The following SPAG16 variants were observed in gnomAD, a reference collection of about 807,000 sequenced individuals.
SPAG16 encodes sperm associated antigen 16.
Under a neutral mutation model 80.4 loss-of-function variants are expected in SPAG16, and 86 were observed. The observed-to-expected ratio is 1.07, with a 90% confidence interval of 0.90 to 1.28. SPAG16 has a LOEUF of 1.28. SPAG16 is among the 50% of genes most tolerant of loss of function. The probability of loss-of-function intolerance (pLI) is 0.00; values close to 1 mark genes in which losing one functional copy is unlikely to be tolerated. For missense variants in SPAG16, 870 were observed against 765.3 expected (o/e 1.14, Z -1.61); for synonymous variants, 294 against 265.9 (o/e 1.11, Z -1.03).
intron 15 of SPAG16, among the ~76,000 whole-genome samples, chr2:214,152,615 A>G (rs2056027388): frequency 6.6e-6 from 1 of 152,124 alleles, no homozygotes; most frequent in Non-Finnish European, 1.5e-5. Flanking sequence ...AGACAAGGAG[A>G]TAAAAGAAAA....
intron 10 of SPAG16, among the ~76,000 whole-genome samples, chr2:213,596,661 A>G (rs1041635595): frequency 2.0e-5 from 3 of 152,190 alleles, no homozygotes; most frequent in African/African-American, 7.2e-5. Context: ...GTGAAACTCT[A>G]TAATCCTAGT....
chr2:213,885,631 A>G (rs939163194), intron 11 of SPAG16, among the ~76,000 whole-genome samples: 3 of 152,200 alleles, frequency 2.0e-5, no homozygotes, highest in African/African-American at 7.2e-5. Flanking sequence ...TGTGATAGCC[A>G]TGAGGTCTTT....
chr2:214,349,938 A>G (rs186476794), intron 15 of SPAG16, among the ~76,000 whole-genome samples: 2 of 152,194 alleles, frequency 1.3e-5, no homozygotes, highest in Admixed American at 1.3e-4. Context: ...TGCTTTCTAT[A>G]GTCTCAGAAC....
chr2:213,669,310 T>C (rs1559359863), intron 10 of SPAG16, among the ~76,000 whole-genome samples: 1 of 152,198 alleles, frequency 6.6e-6, no homozygotes, highest in Non-Finnish European at 1.5e-5. Flanking sequence ...GTTTGAGCCT[T>C]GGGATAGAAG....
chr2:213,608,176 A>G (rs1366376939), intron 10 of SPAG16, among the ~76,000 whole-genome samples: 2 of 151,772 alleles, frequency 1.3e-5, no homozygotes, highest in Non-Finnish European at 2.9e-5. Context: ...TCCATTTTTT[A>G]TTCTATTATT....
intron 9 of SPAG16, among the ~76,000 whole-genome samples, chr2:213,402,254 G>A (rs958447927): frequency 2.0e-5 from 3 of 151,840 alleles, no homozygotes; most frequent in Admixed American, 6.6e-5. Context: ...ACTCATGATT[G>A]CAGTAAATAT....
intron 9 of SPAG16, among the ~76,000 whole-genome samples, chr2:213,402,146 C>T (rs532022192): frequency 4.6e-5 from 7 of 151,864 alleles, no homozygotes; most frequent in African/African-American, 7.2e-5. Context: ...GCCCAAGTTT[C>T]GTCATAATAG....
rs115539500 is a variant in SPAG16, at chr2:213,711,815, C to T, written c.1071-150670C>T. ...GATTATAGGTGTGAGCCACCACGCC[C>T]GACCCGTTCTTACAATTTTCTATTT... On this transcript the variant is annotated intron_variant, in intron 10 of 15. Coordinates refer to ENST00000331683, the MANE Select transcript of SPAG16 (RefSeq NM_024532.5). 1.0e-2 allele frequency among the ~76,000 whole-genome samples: 1,519 copies of T among 152,072 alleles called. 14 individuals carry two copies. Among genetic ancestry groups the T allele is most frequent in the Admixed American group, 0.014 (217 of 15,264 alleles).
At chr2:213,466,688 C>A (rs1193852523) in intron 9 of SPAG16, among the ~76,000 whole-genome samples, 6 of 152,166 alleles carry the variant, frequency 3.9e-5, no homozygotes, top group East Asian at 1.9e-4. Flanking sequence ...TCCTCTGTTA[C>A]CCTGAAAGTT....
At chr2:214,288,985 G>T (rs559161977) in intron 15 of SPAG16, among the ~76,000 whole-genome samples, 1 of 151,962 alleles carries the variant, frequency 6.6e-6, no homozygotes, top group African/African-American at 2.4e-5. Flanking sequence ...AGCCAGGATG[G>T]TCTCGATCTC....
At chr2:213,437,984 T>G (rs2070737753) in intron 9 of SPAG16, among the ~76,000 whole-genome samples, 1 of 152,210 alleles carries the variant, frequency 6.6e-6, no homozygotes, top group Non-Finnish European at 1.5e-5. Flanking sequence ...AATTATTGAT[T>G]AATGTTACAG....
chr2:213,621,845 A>C (rs1469172491), intron 10 of SPAG16, among the ~76,000 whole-genome samples: 4 of 152,206 alleles, frequency 2.6e-5, no homozygotes, highest in Non-Finnish European at 5.9e-5. Flanking sequence ...AGAGTTGCTA[A>C]AAATGCATCA....
chr2:214,078,647 G>A (rs992271307), intron 13 of SPAG16, among the ~76,000 whole-genome samples: 1 of 151,386 alleles, frequency 6.6e-6, no homozygotes, highest in South Asian at 2.1e-4. Context: ...CAATGAATTT[G>A]ATTAGATGAG....
intron 10 of SPAG16, among the ~76,000 whole-genome samples, chr2:213,858,182 G>T (rs2075260741): frequency 6.6e-6 from 1 of 152,142 alleles, no homozygotes; most frequent in Non-Finnish European, 1.5e-5. Context: ...GTTTGAGAGG[G>T]TTGACTCCAA....
intron 10 of SPAG16, among the ~76,000 whole-genome samples, chr2:213,772,757 G>A (rs1448545221): frequency 1.3e-5 from 2 of 152,010 alleles, no homozygotes; most frequent in Non-Finnish European, 2.9e-5. Context: ...CTATAAAAAA[G>A]CCTATGCATT....
At chr2:214,241,323 A>C (rs1689461177) in intron 15 of SPAG16, 1 of 148,128 alleles carries the variant, frequency 6.8e-6, no homozygotes, top group African/African-American at 2.5e-5. Context: ...ACGCCACTGC[A>C]CTCCAGCCTG....
At chr2:213,378,794 T>A (rs1036543505) in intron 9 of SPAG16, among the ~76,000 whole-genome samples, 2 of 152,146 alleles carry the variant, frequency 1.3e-5, no homozygotes, top group Non-Finnish European at 2.9e-5. Context: ...AAACCTTCAT[T>A]CCTGAAGGGT....
At chr2:214,235,711 C>A (rs114179128) in intron 15 of SPAG16, among the ~76,000 whole-genome samples, 2 of 152,218 alleles carry the variant, frequency 1.3e-5, no homozygotes, top group African/African-American at 4.8e-5. Flanking sequence ...CTTTTTACAT[C>A]TTCATGCCCA....
chr2:213,520,611 T>C (rs1178107290), intron 10 of SPAG16, among the ~76,000 whole-genome samples: 1 of 151,868 alleles, frequency 6.6e-6, no homozygotes, highest in Non-Finnish European at 1.5e-5. Flanking sequence ...ACAAGATAAA[T>C]CTCTGGTGTT....
Sources: allele counts gnomAD v4.1 joint callset (sites outside exome capture counted in the v4.1 genomes callset), GRCh38; gene constraint gnomAD v4.1.1; transcripts MANE v1.5; gene names NCBI Gene and HGNC (gene_info 2026-07-23, HGNC 2026-07-21).